Variants in GPHN observed in about 807,000 individuals in gnomAD.
The protein encoded by GPHN is gephyrin.
A neutral mutation model predicts 95.5 loss-of-function variants in GPHN; 17 were observed. The ratio of observed to expected loss-of-function variants is 0.18; its 90% CI spans 0.12 to 0.27. The LOEUF is 0.27. Among genes scored for constraint, GPHN ranks in the 10% least tolerant of loss-of-function variants. The probability of loss-of-function intolerance (pLI) is 1.00; values close to 1 mark genes in which losing one functional copy is unlikely to be tolerated. For missense variants in GPHN, 660 were observed against 978.1 expected (o/e 0.67, Z 4.34); for synonymous variants, 320 against 322.5 (o/e 0.99, Z 0.08).
chr14:67,702,827 C>T, the GPHN span, among the ~76,000 whole-genome samples: 46 of 152,034 alleles, frequency 3.0e-4, 1 homozygote, highest in African/African-American at 1.1e-3. Context: ...TTTGATTTGT[C>T]TTTTGAAACA....
the GPHN span, among the ~76,000 whole-genome samples, chr14:67,712,493 C>CAAAAAAAAA: frequency 1.3e-4 from 5 of 38,942 alleles, no homozygotes; most frequent in Non-Finnish European, 2.2e-4. Flanking sequence ...AAAAAACTTG[C>CAAAAAAAAA]AAAAAAAAAA....
rs549984947 is a variant in GPHN at position 66,907,458 on chromosome 14, T to C, written c.390-8545T>C. Among the ~76,000 whole-genome samples, 4 of 152,266 alleles carry C rather than the reference T, an allele frequency of 2.6e-5. No homozygotes were observed. The East Asian group carries it at 7.7e-4, about 29-fold the overall frequency. Reference sequence around the variant, plus strand: ...AGGTGAATGGATAAAGCTGAACAGATTTTTTAGAGCAGTAACACTATTTGA... The same window carrying C: ...AGGTGAATGGATAAAGCTGAACAGACTTTTTAGAGCAGTAACACTATTTGA... On this transcript the variant is annotated intron_variant, in intron 5 of 22. Transcript: ENST00000478722.
At chr14:66,558,191 C>A (rs1305308234) in intron 1 of GPHN, among the ~76,000 whole-genome samples, 1 of 152,036 alleles carries the variant, frequency 6.6e-6, no homozygotes, top group African/African-American at 2.4e-5. Flanking sequence ...CCACAGTAGG[C>A]TAGTAAGCGT....
chr14:67,600,735 A>G, the GPHN span, among the ~76,000 whole-genome samples: 2 of 152,124 alleles, frequency 1.3e-5, no homozygotes, highest in African/African-American at 2.4e-5. Flanking sequence ...GCGCGCCACC[A>G]CGCCCTGCTG....
At chr14:66,844,421 G>A (rs1003399199) in intron 4 of GPHN, among the ~76,000 whole-genome samples, 3 of 152,126 alleles carry the variant, frequency 2.0e-5, no homozygotes, top group African/African-American at 7.2e-5. Context: ...AAATTTGCAA[G>A]AGTCTAAGGA....
the GPHN span, among the ~76,000 whole-genome samples, chr14:67,732,113 T>G: frequency 0.018 from 2,330 of 131,988 alleles, 76 homozygotes; most frequent in African/African-American, 0.064. Context: ...GGCGACAGAA[T>G]GAGACTCTGT....
the GPHN span, among the ~76,000 whole-genome samples, chr14:67,481,696 G>A: frequency 2.0e-5 from 3 of 152,188 alleles, no homozygotes; most frequent in Middle Eastern, 3.4e-3. Context: ...GGACAGGCTC[G>A]CCCACCCCAT....
At chr14:67,584,461 C>T in the GPHN span, among the ~76,000 whole-genome samples, 1 of 152,194 alleles carries the variant, frequency 6.6e-6, no homozygotes, top group South Asian at 2.1e-4. Context: ...AATACATCTC[C>T]ACTGGTTTGA....
At chr14:67,392,857 A>AG in the GPHN span, 30 of 1,603,940 alleles carry the variant, frequency 1.9e-5, no homozygotes, top group East Asian at 6.3e-4. Flanking sequence ...AGCCTGGCCA[A>AG]GGGCAGCACC....
the GPHN span, among the ~76,000 whole-genome samples, chr14:67,365,471 TATATACACACCTGA>T: frequency 6.6e-6 from 1 of 152,258 alleles, no homozygotes; most frequent in Admixed American, 6.5e-5. Flanking sequence ...ACTATGCGTG[TATATACACACCTGA>T]AATCCAACAT....
chr14:66,962,940 A>G (rs1373092976), intron 8 of GPHN, among the ~76,000 whole-genome samples: 1 of 151,966 alleles, frequency 6.6e-6, no homozygotes, highest in African/African-American at 2.4e-5. Context: ...GTATAATCCT[A>G]GATTGTTCAA....
At chr14:67,148,673 A>G (rs1595381648) in intron 18 of GPHN, among the ~76,000 whole-genome samples, 3 of 138,650 alleles carry the variant, frequency 2.2e-5, no homozygotes, top group Non-Finnish European at 3.0e-5. Context: ...CCATTCTCCC[A>G]CCTCAGCCTC....
chr14:67,205,407 A>C, the GPHN span, among the ~76,000 whole-genome samples: 1 of 152,194 alleles, frequency 6.6e-6, no homozygotes, highest in Admixed American at 6.5e-5. Flanking sequence ...ACTTCACCCA[A>C]GTCACAGAAT....
At chr14:67,454,867 TCTC>T in the GPHN span, among the ~76,000 whole-genome samples, 3,528 of 150,858 alleles carry the variant, frequency 0.023, 55 homozygotes, top group Admixed American at 0.032. Context: ...CAGCATTCTT[TCTC>T]CTTTTTTTTT....
the GPHN span, among the ~76,000 whole-genome samples, chr14:67,698,038 AGGACTGG>A: frequency 0.12 from 18,952 of 152,142 alleles, 1,188 homozygotes; most frequent in Admixed American, 0.15. Context: ...AGATATTCAC[AGGACTGG>A]GGCTAATCAA....
the GPHN span, among the ~76,000 whole-genome samples, chr14:67,416,631 T>C: frequency 6.6e-6 from 1 of 152,232 alleles, no homozygotes; most frequent in Non-Finnish European, 1.5e-5. Context: ...CATCTGTCAA[T>C]TCATTCATTC....
rs543702546 is a variant in GPHN at position 66,584,528 on chromosome 14, C to T, written c.64+75937C>T. On this transcript the variant is annotated intron_variant, in intron 1 of 22. Coordinates refer to ENST00000478722, the MANE Select transcript of GPHN (RefSeq NM_020806.5). ...AGTATAATATTGGCTGTGGGTTTGT[C>T]ATAGATAGCTCTTATTATTTTGAGA... Among the ~76,000 whole-genome samples, 54 of 152,214 alleles carry T rather than the reference C, an allele frequency of 3.5e-4. No homozygotes were observed. In the South Asian group the frequency reaches 4.6e-3, roughly 13 times the overall value.
At chr14:66,512,897 A>G (rs557724540) in intron 1 of GPHN, among the ~76,000 whole-genome samples, 4 of 151,934 alleles carry the variant, frequency 2.6e-5, no homozygotes, top group African/African-American at 9.6e-5. Flanking sequence ...TATACATATT[A>G]TATCTGTTTT....
At chr14:67,569,323 C>T in the GPHN span, 1 of 721,252 alleles carries the variant, frequency 1.4e-6, no homozygotes, top group Non-Finnish European at 2.4e-6. Context: ...GTTGGCTGGC[C>T]TACCCTGTTC....
Sources: gnomAD v4.1 joint callset for allele counts (sites outside exome capture counted in the v4.1 genomes callset) on GRCh38, gnomAD v4.1.1 for gene constraint, MANE v1.5 for transcripts, NCBI Gene and HGNC (gene_info 2026-07-23, HGNC 2026-07-21) for gene names.